The following RXFP2 variants were observed in gnomAD, a reference collection of about 807,000 sequenced individuals.
RXFP2 encodes relaxin family peptide receptor 2, also known as relaxin receptor 2.
In RXFP2, 68 loss-of-function variants were observed where a neutral mutation model predicts 88.6. The ratio of observed to expected loss-of-function variants is 0.77; its 90% CI spans 0.63 to 0.94. The LOEUF is 0.94. RXFP2 is among the 40% of genes least tolerant of loss of function. The pLI is 0.00. For synonymous variants in RXFP2, 329 were observed against 306.8 expected (o/e 1.07, Z -0.76); for missense variants, 791 against 893.9 (o/e 0.88, Z 1.47).
chr13:31,749,107 A>G (rs1871553152), intron 1 of RXFP2, among the ~76,000 whole-genome samples: 1 of 152,208 alleles, frequency 6.6e-6, no homozygotes, highest in Admixed American at 6.5e-5. Flanking sequence ...TCTCCTTAAT[A>G]CATCTATCTC....
chr13:31,802,038 A>G (rs923853341), intron 17 of RXFP2, 108 bp from the exon 18 acceptor site: 1 of 1,116,432 alleles, frequency 9.0e-7, no homozygotes. Context: ...AAAACTTAAA[A>G]TGTACTATGT....
intron 7 of RXFP2, among the ~76,000 whole-genome samples, chr13:31,776,162 T>C (rs1302505287): frequency 6.2e-5 from 9 of 144,946 alleles, no homozygotes; most frequent in Non-Finnish European, 1.2e-4. Flanking sequence ...CTCTCTCTCT[T>C]TCTTCCTTCC....
chr13:31,753,067 C>T (rs917380565), intron 1 of RXFP2, among the ~76,000 whole-genome samples: 3 of 152,190 alleles, frequency 2.0e-5, no homozygotes, highest in African/African-American at 7.2e-5. Context: ...ATGCACTCCT[C>T]CTTGGCCTAT....
rs66536064 is a variant in RXFP2 at position 31,744,718 on chromosome 13, G to GTT, written c.94+5021_94+5022dup. On this transcript the variant is annotated intron_variant, in intron 1 of 17. Transcript: ENST00000298386. ...CTATTCAATTGCTAGGTTTGTTTTT[G>GTT]TTTTTTTTTTCAGTGACTATATTTT... Among the ~76,000 whole-genome samples the GTT allele has an allele frequency of 5.3e-3, 680 of 129,380 alleles. 8 individuals are homozygous for GTT. The highest frequency in any genetic ancestry group is 0.016 in the African/African-American group (580 of 35,168). 84.9% of individuals were successfully genotyped at this position (129,380 alleles called of 152,430 possible). A position where few individuals can be genotyped will look rare whatever the true frequency, so the allele number is the denominator to read the frequency against.
At chr13:31,742,437 A>G (rs1055846592) in intron 1 of RXFP2, among the ~76,000 whole-genome samples, 4 of 152,212 alleles carry the variant, frequency 2.6e-5, no homozygotes, top group Non-Finnish European at 5.9e-5. Context: ...ATAGTTGTGA[A>G]AATCAATTAT....
intron 1 of RXFP2, among the ~76,000 whole-genome samples, chr13:31,756,242 G>A (rs1255883878): frequency 2.0e-5 from 3 of 152,274 alleles, no homozygotes; most frequent in East Asian, 3.9e-4. Context: ...TGCTTGAAGG[G>A]CTCAGGCCTC....
In RXFP2 at chr13:31,802,158, C is replaced by T. The variant is rs769894875; in HGVS notation, c.2018C>T (p.Ser673Phe). Reference protein sequence around the residue: ...FRVEIPDTMTSWIVIFFLPVN... With the variant: ...FRVEIPDTMTFWIVIFFLPVN... ...CTTCCTTTTCCAGACACAATGACTT[C>T]CTGGATAGTGATTTTTTTCCTTCCA... Residue 673 changes from serine to phenylalanine, a missense_variant, in exon 18 of 18, where the codon TCC becomes TTC. Coordinates refer to ENST00000298386, the MANE Select transcript of RXFP2 (RefSeq NM_130806.5). 7.4e-6 allele frequency: 12 copies of T among 1,613,862 alleles called. No individual in the cohort carries two copies. The Admixed American group carries it at 1.0e-4, about 13-fold the overall frequency.
chr13:31,773,318 A>G (rs1037751693), intron 5 of RXFP2, among the ~76,000 whole-genome samples: 1 of 152,230 alleles, frequency 6.6e-6, no homozygotes, highest in African/African-American at 2.4e-5. Flanking sequence ...GATGTTCTGT[A>G]GTGCCAACAC....
At chr13:31,774,339 G>GC in intron 5 of RXFP2, among the ~76,000 whole-genome samples, 1 of 152,174 alleles carries the variant, frequency 6.6e-6, no homozygotes, top group East Asian at 1.9e-4. Flanking sequence ...TCACCATAGT[G>GC]CCAGTTTGCA....
chr13:31,741,148 T>C (rs1050140101), intron 1 of RXFP2, among the ~76,000 whole-genome samples: 1 of 152,102 alleles, frequency 6.6e-6, no homozygotes, highest in Non-Finnish European at 1.5e-5. Flanking sequence ...TAACATTTTG[T>C]GATTTACCAT....
intron 17 of RXFP2, among the ~76,000 whole-genome samples, chr13:31,800,557 G>A (rs1874283221): frequency 6.6e-6 from 1 of 152,198 alleles, no homozygotes; most frequent in Non-Finnish European, 1.5e-5. Flanking sequence ...GGGCGACAGA[G>A]TGAGACTCCA....
At chr13:31,758,047 G>A (rs776641701) in intron 1 of RXFP2, among the ~76,000 whole-genome samples, 25 of 152,172 alleles carry the variant, frequency 1.6e-4, no homozygotes, top group East Asian at 5.8e-4. Context: ...AGCTGAGATC[G>A]TGCACTCCAG....
intron 7 of RXFP2, among the ~76,000 whole-genome samples, chr13:31,775,619 T>G (rs1478554174): frequency 6.6e-6 from 1 of 152,194 alleles, no homozygotes; most frequent in Non-Finnish European, 1.5e-5. Flanking sequence ...ACCCACTAGA[T>G]GCCTGTAGTA....
intron 1 of RXFP2, 73 bp downstream of exon 1, chr13:31,739,779 G>T: frequency 1.0e-6 from 1 of 967,408 alleles, no homozygotes; most frequent in Non-Finnish European, 1.7e-6. Context: ...TTCTATGGCA[G>T]TTGTAATAAA....
intron 11 of RXFP2, among the ~76,000 whole-genome samples, chr13:31,783,194 G>C (rs549632127): frequency 6.6e-6 from 1 of 152,286 alleles, no homozygotes; most frequent in South Asian, 2.1e-4. Flanking sequence ...TATATAGCAG[G>C]TGAAGCAAAT....
chr13:31,782,999 G>A (rs1453849943), intron 11 of RXFP2, among the ~76,000 whole-genome samples: 1 of 152,164 alleles, frequency 6.6e-6, no homozygotes, highest in Non-Finnish European at 1.5e-5. Context: ...ATTTATGTGT[G>A]TTTGGGAGTA....
At chr13:31,796,421 A>T (rs1047100744) in intron 16 of RXFP2, among the ~76,000 whole-genome samples, 11 of 151,742 alleles carry the variant, frequency 7.2e-5, no homozygotes, top group Admixed American at 2.0e-4. Flanking sequence ...ATTTTTATTT[A>T]TTTTTATTCT....
chr13:31,744,445 A>G (rs1437231804), intron 1 of RXFP2, among the ~76,000 whole-genome samples: 4 of 152,222 alleles, frequency 2.6e-5, no homozygotes, highest in Admixed American at 2.6e-4. Context: ...ATGTGCATTA[A>G]CTTTCTAAAA....
At chr13:31,746,602 G>C (rs1681759184) in intron 1 of RXFP2, among the ~76,000 whole-genome samples, 2 of 152,046 alleles carry the variant, frequency 1.3e-5, no homozygotes, top group Admixed American at 1.3e-4. Flanking sequence ...TTCTGATTTG[G>C]GGCCAGATTC....
Sources: gnomAD v4.1 joint callset for allele counts (sites outside exome capture counted in the v4.1 genomes callset) on GRCh38, gnomAD v4.1.1 for gene constraint, MANE v1.5 for transcripts, NCBI Gene and HGNC (gene_info 2026-07-23, HGNC 2026-07-21) for gene names.